The following TSEN2 variants were observed in gnomAD, a reference collection of about 807,000 sequenced individuals.
TSEN2 encodes tRNA splicing endonuclease subunit 2, also known as tRNA-splicing endonuclease subunit Sen2.
In TSEN2, 54 loss-of-function variants were observed where a neutral mutation model predicts 59.2. The ratio of observed to expected loss-of-function variants is 0.91; its 90% confidence interval spans 0.73 to 1.14. The LOEUF (loss-of-function observed/expected upper bound fraction) is 1.14, where lower values mean the gene tolerates loss of function less well. Among genes scored for constraint, TSEN2 ranks in the 50% most tolerant of loss-of-function variants. TSEN2 has a pLI of 0.00. For synonymous variants in TSEN2, 195 were observed against 198.2 expected (o/e 0.98, Z 0.14); for missense variants, 636 against 576.2 (o/e 1.10, Z -1.06).
intron 4 of TSEN2, among the ~76,000 whole-genome samples, chr3:12,497,801 A>G (rs544744732): frequency 3.9e-4 from 60 of 152,332 alleles, no homozygotes; most frequent in Non-Finnish European, 6.9e-4. Flanking sequence ...TAGGGCTGCC[A>G]TAACAAAGTA....
chr3:12,526,993 G>T (rs1425256563), intron 8 of TSEN2, among the ~76,000 whole-genome samples: 1 of 152,194 alleles, frequency 6.6e-6, no homozygotes, highest in Non-Finnish European at 1.5e-5. Flanking sequence ...GGAAACGGAG[G>T]CTCAGGGAAG....
chr3:12,505,100 A>T (rs557643745), intron 5 of TSEN2, 54 bp from the exon 6 acceptor site: 1 of 1,000,094 alleles, frequency 1.0e-6, no homozygotes, highest in East Asian at 2.4e-5. Flanking sequence ...TACATTCTCT[A>T]TGACATGTAG....
intron 10 of TSEN2, 103 bp downstream of exon 10, chr3:12,529,976 C>A (rs1344323928): frequency 3.3e-6 from 5 of 1,521,882 alleles, no homozygotes; most frequent in Non-Finnish European, 3.5e-6. Context: ...GTAGAAACTT[C>A]ATAACATTCC....
chr3:12,493,861 A>G (rs1345764390), intron 3 of TSEN2, among the ~76,000 whole-genome samples: 1 of 152,166 alleles, frequency 6.6e-6, no homozygotes, highest in Non-Finnish European at 1.5e-5. Context: ...TTTTTCTACT[A>G]TTGCCTGTGC....
chr3:12,497,689 C>T (rs1452024200), intron 4 of TSEN2, among the ~76,000 whole-genome samples: 1 of 152,204 alleles, frequency 6.6e-6, no homozygotes, highest in Non-Finnish European at 1.5e-5. Flanking sequence ...AGCCTGCCAG[C>T]GTAGAGGTTC....
At chr3:12,516,215 G>A (rs1408461146) in intron 6 of TSEN2, among the ~76,000 whole-genome samples, 3 of 152,036 alleles carry the variant, frequency 2.0e-5, no homozygotes, top group Admixed American at 6.6e-5. Context: ...ATGAGGTCAG[G>A]AGATCGAGAC....
At position 12,516,810 on chromosome 3, in the gene TSEN2, G is replaced by T. The variant is rs979321218; in HGVS notation, c.960+149G>T. 42 of 829,916 alleles carry T rather than the reference G, an allele frequency of 5.1e-5. No individual in the cohort carries two copies. In the Admixed American group the frequency reaches 9.3e-4, roughly 18 times the overall value. 51.4% of individuals were successfully genotyped at this position (829,916 alleles called of 1,614,324 possible). A position where few individuals can be genotyped will look rare whatever the true frequency, so the allele number is the denominator to read the frequency against. On this transcript the variant is annotated intron_variant, in intron 7 of 11. Coordinates refer to ENST00000284995, the MANE Select transcript of TSEN2 (RefSeq NM_025265.4). Reference sequence around the variant, plus strand: ...ATTTTTCTCTAAAGTTTTGGATTTGGGTCCTGAGGTGGGACTGTTCGAGCA... The same window carrying T: ...ATTTTTCTCTAAAGTTTTGGATTTGTGTCCTGAGGTGGGACTGTTCGAGCA...
intron 6 of TSEN2, 128 bp from the exon 7 acceptor site, chr3:12,516,483 T>TGA: frequency 1.4e-6 from 1 of 696,766 alleles, no homozygotes; most frequent in East Asian, 2.8e-5. Context: ...TGTGTGTGTG[T>TGA]GTGTGACCTT....
intron 8 of TSEN2, among the ~76,000 whole-genome samples, chr3:12,526,461 G>A (rs1268981775): frequency 6.6e-6 from 1 of 152,214 alleles, no homozygotes; most frequent in Non-Finnish European, 1.5e-5. Context: ...GAACAGGTTT[G>A]TAGCCTAGGA....
chr3:12,490,997 T>A (rs201407962), intron 2 of TSEN2, among the ~76,000 whole-genome samples: 1 of 149,518 alleles, frequency 6.7e-6, no homozygotes, highest in Admixed American at 6.7e-5. Flanking sequence ...GTGTTTTTTT[T>A]GTTTGTTTTT....
chr3:12,502,206 G>A (rs566120279), intron 4 of TSEN2, among the ~76,000 whole-genome samples: 2 of 152,234 alleles, frequency 1.3e-5, no homozygotes, highest in South Asian at 4.2e-4. Flanking sequence ...TTTGTATTAT[G>A]AATGGCATAT....
In TSEN2 at chr3:12,495,046, A is replaced by T. The variant is rs557927894; in HGVS notation, c.272-1472A>T. Among the ~76,000 whole-genome samples the T allele has an allele frequency of 1.6e-3, 230 of 144,968 alleles. 1 individual carries two copies. Among genetic ancestry groups the T allele is most frequent in the Non-Finnish European group, 2.8e-3 (187 of 67,194 alleles). ...GAGGCTGAGGCAGGAGAATCGCTTG[A>T]ACCCTGGAGGCGGAGGTTGCAGTGA... On this transcript the variant is annotated intron_variant, in intron 3 of 11. Coordinates refer to ENST00000284995, the MANE Select transcript of TSEN2 (RefSeq NM_025265.4).
intron 6 of TSEN2, among the ~76,000 whole-genome samples, chr3:12,515,658 A>G (rs916740697): frequency 1.3e-4 from 20 of 152,190 alleles, no homozygotes; most frequent in Admixed American, 8.5e-4. Flanking sequence ...TTACTTTAAC[A>G]GAAAGCCATT....
chr3:12,530,065 A>G, intron 10 of TSEN2, 192 bp downstream of exon 10: 1 of 1,430,386 alleles, frequency 7.0e-7, no homozygotes, highest in Non-Finnish European at 9.1e-7. Flanking sequence ...CCCTCATGTT[A>G]CATTTTATTG....
intron 6 of TSEN2, among the ~76,000 whole-genome samples, chr3:12,506,033 G>T (rs1477402754): frequency 6.6e-6 from 1 of 152,120 alleles, no homozygotes; most frequent in Admixed American, 6.6e-5. Context: ...GGGGGTAGGG[G>T]GGTGGAAAGA....
In TSEN2 at chr3:12,494,854, G is replaced by A. The variant is rs543808307; in HGVS notation, c.272-1664G>A. Among the ~76,000 whole-genome samples the A allele has an allele frequency of 7.5e-4, 114 of 151,882 alleles. 1 individual carries two copies. The highest frequency in any genetic ancestry group is 2.6e-3 in the African/African-American group (107 of 41,484). On this transcript the variant is annotated intron_variant, in intron 3 of 11. Coordinates refer to ENST00000284995, the MANE Select transcript of TSEN2 (RefSeq NM_025265.4). ...TTATAAAAAAAGTTTGGCTGGGCAT[G>A]GTGGCTCACACCTGTAATCCCAGCA...
chr3:12,497,028 T>C (rs939460746), intron 4 of TSEN2, among the ~76,000 whole-genome samples: 1 of 152,196 alleles, frequency 6.6e-6, no homozygotes. Context: ...GATTCCTGCA[T>C]GTGCTCAATC....
At chr3:12,481,270 G>GT (rs767949266), upstream of TSEN2, among the ~76,000 whole-genome samples, 9 of 152,198 alleles carry the variant, frequency 5.9e-5, no homozygotes, top group Non-Finnish European at 1.2e-4. Flanking sequence ...CTTGGATTCT[G>GT]TATTTACAAA....
intron 3 of TSEN2, among the ~76,000 whole-genome samples, chr3:12,495,611 C>G (rs2053669528): frequency 6.6e-6 from 1 of 152,214 alleles, no homozygotes; most frequent in Non-Finnish European, 1.5e-5. Context: ...CACAATAATG[C>G]TGCTTAGTAA....
Sources: allele counts gnomAD v4.1 joint callset (sites outside exome capture counted in the v4.1 genomes callset), GRCh38; gene constraint gnomAD v4.1.1; transcripts MANE v1.5; gene names NCBI Gene and HGNC (gene_info 2026-07-23, HGNC 2026-07-21).